Variants in KLRG1 observed in about 807,000 individuals in gnomAD.
KLRG1 encodes killer cell lectin-like receptor subfamily G member 1.
Under a neutral mutation model 21.8 loss-of-function variants are expected in KLRG1, and 16 were observed. The observed-to-expected ratio is 0.73, with a 90% CI of 0.50 to 1.11. The LOEUF (loss-of-function observed/expected upper bound fraction) is 1.11, where lower values mean the gene tolerates loss of function less well. Ranked by LOEUF, KLRG1 falls within the 50% of genes most tolerant of loss-of-function variation. The probability of loss-of-function intolerance (pLI) is 0.00; values close to 1 mark genes in which losing one functional copy is unlikely to be tolerated. For synonymous variants in KLRG1, 69 were observed against 75.9 expected (o/e 0.91, Z 0.47); for missense variants, 173 against 218.3 (o/e 0.79, Z 1.31).
chr12:9,167,424 G>A, the KLRG1 span: 1 of 152,008 alleles, frequency 6.6e-6, no homozygotes, highest in Non-Finnish European at 1.5e-5. Context: ...GGCTCACAAG[G>A]GTATCTCCTG....
At chr12:9,152,249 AAC>A in the KLRG1 span, 1 of 1,612,656 alleles carries the variant, frequency 6.2e-7, no homozygotes, top group Non-Finnish European at 8.5e-7. Context: ...AGGGGAATAA[AAC>A]CAGATACCAT....
At chr12:9,154,652 C>T in the KLRG1 span, 1 of 1,614,194 alleles carries the variant, frequency 6.2e-7, no homozygotes, top group South Asian at 1.1e-5. Context: ...CGTTCTGCTG[C>T]TTCATGATCC....
chr12:8,961,757 A>T (rs1190075551), intron 1 of KLRG1, among the ~76,000 whole-genome samples: 1 of 152,158 alleles, frequency 6.6e-6, no homozygotes, highest in Non-Finnish European at 1.5e-5. Flanking sequence ...GGCACTCTGT[A>T]GCATACAATT....
At position 9,009,813 on chromosome 12, in the gene KLRG1, A is replaced by G; in HGVS notation, c.*276A>G. On this transcript the variant is annotated 3_prime_UTR_variant, in exon 5 of 5. Transcript: ENST00000356986. ...TTTGTATTTCTCAGTATGGAAACTA[A>G]TGCTGCCACTCTCATCCCCGTCCCA... 2 of 1,427,646 alleles carry G rather than the reference A, an allele frequency of 1.4e-6. No homozygotes were observed. Among genetic ancestry groups the G allele is most frequent in the Non-Finnish European group, 1.8e-6 (2 of 1,097,388 alleles). The allele number at this position is 1,427,646 out of a possible 1,614,324, so 88.4% of individuals were successfully genotyped here. A position where few individuals can be genotyped will look rare whatever the true frequency, so the allele number is the denominator to read the frequency against.
At chr12:9,201,074 A>G in the KLRG1 span, 12 of 1,613,536 alleles carry the variant, frequency 7.4e-6, no homozygotes, top group Admixed American at 1.7e-5. Context: ...AAGGGAAACA[A>G]GAAACATGGG....
chr12:9,081,436 A>G, the KLRG1 span, among the ~76,000 whole-genome samples: 1 of 152,246 alleles, frequency 6.6e-6, no homozygotes, highest in Non-Finnish European at 1.5e-5. Flanking sequence ...ATTAAAATTC[A>G]GAATAAAGCA....
At chr12:9,001,523 A>C (rs1947306791) in intron 3 of KLRG1, among the ~76,000 whole-genome samples, 1 of 152,158 alleles carries the variant, frequency 6.6e-6, no homozygotes, top group Non-Finnish European at 1.5e-5. Context: ...ACACTGAAAT[A>C]AACTAGCCCC....
the KLRG1 span, chr12:9,169,393 C>A: frequency 6.6e-7 from 1 of 1,513,010 alleles, no homozygotes; most frequent in Non-Finnish European, 9.0e-7. Context: ...TTCAAAAACT[C>A]ACAAGCCAGC....
At chr12:8,976,267 C>G (rs1409162818) in intron 1 of KLRG1, among the ~76,000 whole-genome samples, 1 of 152,008 alleles carries the variant, frequency 6.6e-6, no homozygotes, top group African/African-American at 2.4e-5. Flanking sequence ...AAATGTGGAT[C>G]TTCTCATTTT....
chr12:9,156,282 C>A, the KLRG1 span: 2 of 212,884 alleles, frequency 9.4e-6, no homozygotes, highest in Non-Finnish European at 1.0e-5. Context: ...TCAGTGAAGG[C>A]ATCTCCACCA....
At chr12:9,120,750 G>A in the KLRG1 span, among the ~76,000 whole-genome samples, 8 of 152,136 alleles carry the variant, frequency 5.3e-5, no homozygotes, top group African/African-American at 9.6e-5. Flanking sequence ...TGTCTTTGAC[G>A]AAGTATCTTG....
At chr12:9,152,963 C>A in the KLRG1 span, 1 of 1,614,102 alleles carries the variant, frequency 6.2e-7, no homozygotes. Context: ...TGTGAAACAG[C>A]AAAGACACTA....
the KLRG1 span, among the ~76,000 whole-genome samples, chr12:9,177,295 C>G: frequency 6.6e-6 from 1 of 152,170 alleles, no homozygotes; most frequent in African/African-American, 2.4e-5. Context: ...ACACCAGCAG[C>G]CCTAGGACCT....
At chr12:8,982,460 G>A (rs1946769786) in intron 1 of KLRG1, among the ~76,000 whole-genome samples, 2 of 152,118 alleles carry the variant, frequency 1.3e-5, no homozygotes, top group South Asian at 2.1e-4. Flanking sequence ...ATAAATATAT[G>A]TTATGTTAAG....
At chr12:9,006,405 A>G (rs1471485779) in intron 3 of KLRG1, among the ~76,000 whole-genome samples, 1 of 152,220 alleles carries the variant, frequency 6.6e-6, no homozygotes, top group Non-Finnish European at 1.5e-5. Context: ...GGGAAAAGCT[A>G]TGCAAAGACC....
the KLRG1 span, among the ~76,000 whole-genome samples, chr12:9,024,050 C>G: frequency 1.5e-4 from 11 of 73,162 alleles, no homozygotes; most frequent in African/African-American, 6.7e-4. Flanking sequence ...TTTTTTTGAG[C>G]CAGAGTCTCT....
At chr12:9,060,808 T>C in the KLRG1 span, among the ~76,000 whole-genome samples, 8 of 152,246 alleles carry the variant, frequency 5.3e-5, no homozygotes, top group African/African-American at 1.2e-4. Context: ...TTATAACTTA[T>C]ATGTTTTGGA....
the KLRG1 span, among the ~76,000 whole-genome samples, chr12:9,031,401 C>T: frequency 6.6e-6 from 1 of 152,164 alleles, no homozygotes; most frequent in African/African-American, 2.4e-5. Context: ...AAAGGGAGGT[C>T]TGGGGCTCAG....
At chr12:9,200,604 C>G in the KLRG1 span, among the ~76,000 whole-genome samples, 1 of 152,170 alleles carries the variant, frequency 6.6e-6, no homozygotes, top group East Asian at 1.9e-4. Flanking sequence ...TTTAACAATT[C>G]ATGCAGAATC....
Sources: allele counts gnomAD v4.1 joint callset (sites outside exome capture counted in the v4.1 genomes callset), GRCh38; gene constraint gnomAD v4.1.1; transcripts MANE v1.5; gene names NCBI Gene and HGNC (gene_info 2026-07-23, HGNC 2026-07-21).